NALF1: variants seen among roughly 807,000 people sequenced by gnomAD.
The protein encoded by NALF1 is NALCN channel auxiliary factor 1, also known as family with sequence similarity 155 member A.
Under a neutral mutation model 48.4 loss-of-function variants are expected in NALF1, and 3 were observed. The observed-to-expected ratio is 0.06, with a 90% CI of 0.03 to 0.16. The LOEUF is 0.16. Ranked by LOEUF, NALF1 falls within the 10% of genes least tolerant of loss-of-function variation. NALF1 has a pLI of 1.00. For missense variants in NALF1, 526 were observed against 571.5 expected (o/e 0.92, Z 0.81); for synonymous variants, 262 against 245.7 (o/e 1.07, Z -0.62).
intron 1 of NALF1, among the ~76,000 whole-genome samples, chr13:107,347,716 ACTTT>A (rs902663507): frequency 2.9e-4 from 44 of 152,338 alleles, no homozygotes; most frequent in African/African-American, 1.0e-3. Context: ...AGAAAAAAAT[ACTTT>A]CTAATTACCA....
At chr13:107,199,288 A>T (rs1204347220) in intron 2 of NALF1, among the ~76,000 whole-genome samples, 1 of 152,178 alleles carries the variant, frequency 6.6e-6, no homozygotes, top group Non-Finnish European at 1.5e-5. Flanking sequence ...CCAAGGAGAG[A>T]GGCCTCAGAA....
intron 1 of NALF1, among the ~76,000 whole-genome samples, chr13:107,687,367 CTA>C (rs1881458349): frequency 2.0e-5 from 3 of 151,778 alleles, no homozygotes; most frequent in Non-Finnish European, 2.9e-5. Flanking sequence ...GCTATGTTCA[CTA>C]TTTGGGTGAC....
intron 1 of NALF1, among the ~76,000 whole-genome samples, chr13:107,697,202 T>C (rs760714958): frequency 6.6e-6 from 1 of 152,134 alleles, no homozygotes; most frequent in East Asian, 1.9e-4. Context: ...ACCTAATGCC[T>C]CACTTCTAAG....
intron 1 of NALF1, among the ~76,000 whole-genome samples, chr13:107,403,030 T>C (rs1260629820): frequency 6.6e-6 from 1 of 151,908 alleles, no homozygotes; most frequent in Non-Finnish European, 1.5e-5. Flanking sequence ...AAGTTAGAGC[T>C]TTCTCACCAT....
intron 1 of NALF1, among the ~76,000 whole-genome samples, chr13:107,371,164 T>C (rs1883241917): frequency 6.6e-6 from 1 of 152,188 alleles, no homozygotes; most frequent in South Asian, 2.1e-4. Flanking sequence ...TTTGAGATAT[T>C]GGCCAGGCAC....
chr13:107,700,150 A>G (rs2138510831), intron 1 of NALF1, among the ~76,000 whole-genome samples: 1 of 152,122 alleles, frequency 6.6e-6, no homozygotes, highest in South Asian at 2.1e-4. Context: ...ATAGAAAAAA[A>G]AGCCTCAAAA....
intron 1 of NALF1, among the ~76,000 whole-genome samples, chr13:107,336,496 A>T (rs546694599): frequency 6.6e-6 from 1 of 152,256 alleles, no homozygotes; most frequent in South Asian, 2.1e-4. Context: ...GTTGATTGCT[A>T]TCAATGCAAT....
intron 2 of NALF1, among the ~76,000 whole-genome samples, chr13:107,188,581 T>A (rs1879223422): frequency 6.6e-6 from 1 of 151,980 alleles, no homozygotes; most frequent in Non-Finnish European, 1.5e-5. Context: ...TTTTTGGGAG[T>A]AATGGAGACA....
At chr13:107,735,142 C>G (rs754226656) in intron 1 of NALF1, among the ~76,000 whole-genome samples, 2 of 151,918 alleles carry the variant, frequency 1.3e-5, no homozygotes, top group Non-Finnish European at 2.9e-5. Context: ...ATTGCATGGG[C>G]CTGTGGTGAA....
intron 1 of NALF1, among the ~76,000 whole-genome samples, chr13:107,248,795 T>A (rs1009008026): frequency 1.3e-5 from 2 of 151,048 alleles, no homozygotes; most frequent in African/African-American, 4.9e-5. Context: ...AAATTTTGAG[T>A]ATATGGATTA....
intron 1 of NALF1, among the ~76,000 whole-genome samples, chr13:107,298,116 A>G (rs1018545499): frequency 2.0e-5 from 3 of 151,976 alleles, no homozygotes; most frequent in Non-Finnish European, 2.9e-5. Context: ...TCGGGAGGCC[A>G]AGGCGGGTGG....
chr13:107,679,130 C>G (rs971293278), intron 1 of NALF1, among the ~76,000 whole-genome samples: 100 of 152,176 alleles, frequency 6.6e-4, no homozygotes, highest in Non-Finnish European at 9.7e-4. Context: ...TCTGGGATAG[C>G]CTCAGTTTCC....
chr13:107,853,871 G>A (rs1880377931), intron 1 of NALF1, among the ~76,000 whole-genome samples: 1 of 152,178 alleles, frequency 6.6e-6, no homozygotes. Flanking sequence ...CTCACTGCAG[G>A]TGAAATAGCA....
At chr13:107,656,910 A>G (rs1413643255) in intron 1 of NALF1, among the ~76,000 whole-genome samples, 1 of 152,154 alleles carries the variant, frequency 6.6e-6, no homozygotes, top group Non-Finnish European at 1.5e-5. Context: ...AGGAATGGAA[A>G]ACCAAACATT....
At chr13:107,556,318 C>T (rs184005078) in intron 1 of NALF1, among the ~76,000 whole-genome samples, 65 of 143,966 alleles carry the variant, frequency 4.5e-4, no homozygotes, top group East Asian at 2.4e-3. Context: ...CACACACACA[C>T]ATATATATAT....
At chr13:107,592,246 G>C (rs1212477869) in intron 1 of NALF1, among the ~76,000 whole-genome samples, 1 of 151,792 alleles carries the variant, frequency 6.6e-6, no homozygotes, top group Non-Finnish European at 1.5e-5. Flanking sequence ...TGATGACTAG[G>C]AAAGAAAAGA....
At position 107,168,940 on chromosome 13, in the gene NALF1, G is replaced by C. The variant is rs1406664085; in HGVS notation, c.*1557C>G. ...GAAGTGCACTTCCCAAGTGTAGTTA[G>C]AGAATAGGAAGGAATGTAAAATTTT... On this transcript the variant is annotated 3_prime_UTR_variant, in exon 3 of 3. Transcript: ENST00000375915. The C allele has an allele frequency of 1.3e-5, 2 of 148,644 alleles. No homozygotes were observed. The highest frequency in any genetic ancestry group is 5.1e-5 in the African/African-American group (2 of 39,552). 9.2% of individuals were successfully genotyped at this position (148,644 alleles called of 1,614,324 possible).
At chr13:107,283,330 C>T (rs17367786) in intron 1 of NALF1, among the ~76,000 whole-genome samples, 58,133 of 151,912 alleles carry the variant, frequency 0.38, 13,550 homozygotes, top group South Asian at 0.6. Context: ...TGAAGTACGG[C>T]AGCTCCAGAC....
chr13:107,281,818 G>A (rs1032189094), intron 1 of NALF1, among the ~76,000 whole-genome samples: 3 of 152,296 alleles, frequency 2.0e-5, no homozygotes, highest in Admixed American at 6.5e-5. Flanking sequence ...AAGCTGGCAG[G>A]AAGGACAATG....
Sources: gnomAD v4.1 joint callset for allele counts (sites outside exome capture counted in the v4.1 genomes callset) on GRCh38, gnomAD v4.1.1 for gene constraint, MANE v1.5 for transcripts, NCBI Gene and HGNC (gene_info 2026-07-23, HGNC 2026-07-21) for gene names.